The following LTF variants were observed in gnomAD, a reference collection of about 807,000 sequenced individuals.
The protein encoded by LTF is epididymis luminal protein 110.
Under a neutral mutation model 87.2 loss-of-function variants are expected in LTF, and 91 were observed. The observed-to-expected ratio is 1.04, with a 90% CI of 0.88 to 1.24. The LOEUF (loss-of-function observed/expected upper bound fraction) is 1.24. Ranked by LOEUF, LTF falls within the 50% of genes most tolerant of loss-of-function variation. The pLI is 0.00. For missense variants in LTF, 901 were observed against 904.3 expected (o/e 1.00, Z 0.05); for synonymous variants, 378 against 356.1 (o/e 1.06, Z -0.69).
chr3:46,483,799 T>C (rs1486745921), intron 1 of LTF, among the ~76,000 whole-genome samples: 4 of 152,196 alleles, frequency 2.6e-5, no homozygotes, highest in Admixed American at 2.6e-4. Flanking sequence ...AAGTTTATTT[T>C]ATTTTATTTA....
chr3:46,441,581 A>G lies in LTF; in HGVS notation c.1656-98T>C, dbSNP rs1702514905. Reference sequence around the variant, plus strand: ...ATGCATTCCAAAAACTGAAATATGGAAGTAAACATCTAAAAGACAACTATT... The same window carrying G: ...ATGCATTCCAAAAACTGAAATATGGGAGTAAACATCTAAAAGACAACTATT... On this transcript the variant is annotated intron_variant, in intron 13 of 16. Transcript: ENST00000231751. 1.3e-5 allele frequency: 11 copies of G among 848,994 alleles called. No individual in the cohort carries two copies. In the East Asian group the frequency reaches 2.8e-4, roughly 22 times the overall value. The allele number at this position is 848,994 out of a possible 1,614,324, so 52.6% of individuals were successfully genotyped here.
At chr3:46,438,558 G>C (rs1702442631) in intron 15 of LTF, among the ~76,000 whole-genome samples, 1 of 152,186 alleles carries the variant, frequency 6.6e-6, no homozygotes, top group Non-Finnish European at 1.5e-5. Flanking sequence ...AGCTCAGTGT[G>C]CAGGTCGGTC....
At chr3:46,481,328 A>G (rs2106929370) in intron 1 of LTF, among the ~76,000 whole-genome samples, 1 of 152,330 alleles carries the variant, frequency 6.6e-6, no homozygotes. Flanking sequence ...GTCCCAAGAT[A>G]GGAGGACAAA....
intron 4 of LTF, 123 bp from the exon 5 acceptor site, chr3:46,455,565 G>A: frequency 7.8e-7 from 1 of 1,290,042 alleles, no homozygotes; most frequent in Admixed American, 2.1e-5. Flanking sequence ...GAGAGACTCT[G>A]TCATGGGGCT....
rs142854111 is a variant in LTF at position 46,448,971 on chromosome 3, C to T, written c.1104G>A (p.Ala368=). 8.8e-5 allele frequency: 142 copies of T among 1,613,456 alleles called. No individual in the cohort carries two copies. In the African/African-American group the frequency reaches 1.5e-3, roughly 17 times the overall value. Residue 368 remains alanine, a synonymous_variant, in exon 9 of 17, where the codon GCG becomes GCA. Transcript: ENST00000231751. ...ACTTGCGCAGCTCCTGCTCGCCCAC[C>T]GCACACCACACGACCCGCGCACGCC... ...AARRARVVWC[A]VGEQELRKCN... is the part of the protein sequence containing the mutation.
intron 14 of LTF, 89 bp from the exon 15 acceptor site, chr3:46,439,569 T>G (rs1702466663): frequency 9.0e-7 from 1 of 1,110,814 alleles, no homozygotes. Flanking sequence ...TCCACTGACC[T>G]CCCAAATGCA....
intron 1 of LTF, chr3:46,460,574 T>C (rs756370280): frequency 2.9e-5 from 13 of 455,908 alleles, no homozygotes; most frequent in Non-Finnish European, 4.8e-5. Flanking sequence ...CCTGGTTGCC[T>C]GATAAAAGGC....
In LTF at chr3:46,473,783, G is replaced by C. The variant is rs2106920862; in HGVS notation, c.-319-3317C>G. On this transcript the variant is annotated intron_variant, in intron 1 of 19. Coordinates refer to the LTF transcript ENST00000443496. ...CATCCAGAGAACGTCCCCATCTCAA[G>C]ATCTTAATAACATCTGCAAAGTCCC... Among the ~76,000 whole-genome samples the C allele has an allele frequency of 1.3e-5, 2 of 152,246 alleles. 1 individual carries two copies.
chr3:46,483,009 T>C (rs1703472327), intron 1 of LTF, among the ~76,000 whole-genome samples: 1 of 152,218 alleles, frequency 6.6e-6, no homozygotes, highest in African/African-American at 2.4e-5. Context: ...CCAGTTTCTG[T>C]GGTGTAAAAA....
intron 4 of LTF, 66 bp downstream of exon 4, chr3:46,455,730 G>T: frequency 6.7e-7 from 1 of 1,481,524 alleles, no homozygotes; most frequent in Non-Finnish European, 9.1e-7. Context: ...GATCTGTGTG[G>T]CCTGTGCTTA....
intron 2 of LTF, 96 bp from the exon 3 acceptor site, chr3:46,456,494 G>A: frequency 1.1e-6 from 1 of 874,384 alleles, no homozygotes; most frequent in Middle Eastern, 2.2e-4. Flanking sequence ...TGGCTGGAAG[G>A]GTCGTCAAAG....
intron 4 of LTF, 100 bp downstream of exon 4, chr3:46,455,696 T>A: frequency 1.5e-5 from 21 of 1,384,692 alleles, no homozygotes; most frequent in Non-Finnish European, 2.1e-5. Flanking sequence ...CCCACCTTGA[T>A]TCATCCCACA....
intron 11 of LTF, 109 bp from the exon 12 acceptor site, chr3:46,445,545 C>G: frequency 1.1e-6 from 1 of 881,424 alleles, no homozygotes; most frequent in South Asian, 1.7e-5. Context: ...AGAAGCAACA[C>G]CAGGCAATGA....
intron 1 of LTF, among the ~76,000 whole-genome samples, chr3:46,482,013 C>T (rs1376851865): frequency 6.6e-6 from 1 of 152,156 alleles, no homozygotes; most frequent in East Asian, 1.9e-4. Flanking sequence ...TGTCTCAGAA[C>T]GTCACCCATT....
At chr3:46,447,664 C>T (rs924561512) in intron 9 of LTF, among the ~76,000 whole-genome samples, 1 of 152,218 alleles carries the variant, frequency 6.6e-6, no homozygotes, top group Non-Finnish European at 1.5e-5. Flanking sequence ...AAAACCTTTT[C>T]TGTGTCCCTG....
chr3:46,481,896 A>C (rs1030076903), intron 1 of LTF, among the ~76,000 whole-genome samples: 5 of 152,250 alleles, frequency 3.3e-5, no homozygotes, highest in African/African-American at 1.2e-4. Flanking sequence ...CATCTCTGAA[A>C]ATAGAGTTCC....
chr3:46,455,259 C>T, intron 5 of LTF, 36 bp downstream of exon 5: 1 of 1,613,610 alleles, frequency 6.2e-7, no homozygotes, highest in South Asian at 1.1e-5. Flanking sequence ...CCAAGGGACA[C>T]TTGGCCACTG....
At chr3:46,444,820 G>A (rs1702606499) in intron 12 of LTF, among the ~76,000 whole-genome samples, 1 of 152,222 alleles carries the variant, frequency 6.6e-6, no homozygotes, top group South Asian at 2.1e-4. Flanking sequence ...AGAAGCAGGT[G>A]GAGCCAGGCT....
intron 1 of LTF, among the ~76,000 whole-genome samples, chr3:46,460,390 A>C (rs969362165): frequency 6.6e-6 from 1 of 152,206 alleles, no homozygotes; most frequent in Non-Finnish European, 1.5e-5. Flanking sequence ...GTCAGTGTCA[A>C]TGGGGACAAA....
Sources: gnomAD v4.1 joint callset for allele counts (sites outside exome capture counted in the v4.1 genomes callset) on GRCh38, gnomAD v4.1.1 for gene constraint, MANE v1.5 for transcripts, NCBI Gene and HGNC (gene_info 2026-07-23, HGNC 2026-07-21) for gene names.